The following PTCHD4 variants were observed in gnomAD, a reference collection of about 807,000 sequenced individuals.
PTCHD4 encodes the protein patched domain containing 4, also known as patched domain-containing protein 4.
In PTCHD4, 33 loss-of-function variants were observed where a neutral mutation model predicts 58.1. That is an observed-to-expected ratio of 0.57 (90% CI 0.43 to 0.76). The LOEUF is 0.76. Ranked by LOEUF, PTCHD4 falls within the 30% of genes least tolerant of loss-of-function variation. The pLI, the probability that PTCHD4 is intolerant of heterozygous loss-of-function variation, is 0.00. For synonymous variants in PTCHD4, 478 were observed against 409.6 expected, an observed-to-expected ratio of 1.17 and a Z score of -2.02; for missense variants, 1,058 against 1,027.1, an observed-to-expected ratio of 1.03 and a Z score of -0.41.
chr6:48,103,419 A>G (rs1241827263), intron 1 of PTCHD4, among the ~76,000 whole-genome samples: 2 of 152,228 alleles, frequency 1.3e-5, no homozygotes, highest in African/African-American at 2.4e-5. Context: ...AAACTAAAAA[A>G]CAGAAAGGAC....
intron 4 of PTCHD4, among the ~76,000 whole-genome samples, chr6:47,931,963 AC>A (rs1765837595): frequency 6.6e-6 from 1 of 152,206 alleles, no homozygotes; most frequent in Admixed American, 6.5e-5. Context: ...CTTCTCTGGG[AC>A]ACACTGGACA....
intron 1 of PTCHD4, among the ~76,000 whole-genome samples, chr6:48,106,447 T>C (rs981219665): frequency 6.6e-6 from 1 of 152,216 alleles, no homozygotes; most frequent in Non-Finnish European, 1.5e-5. Context: ...TGATAAGACG[T>C]ATCTCAAAAT....
At chr6:48,102,332 A>C (rs915717656) in intron 1 of PTCHD4, among the ~76,000 whole-genome samples, 1 of 152,240 alleles carries the variant, frequency 6.6e-6, no homozygotes, top group East Asian at 1.9e-4. Context: ...AAGTCTTACA[A>C]ATATCTGATT....
Position 47,870,290 on chromosome 6 carries a change from C to A in PTCHD4, c.*8013G>T, listed in dbSNP as rs958504431. 4.6e-5 allele frequency among the ~76,000 whole-genome samples: 7 copies of A among 151,444 alleles called. No homozygotes were observed. Among genetic ancestry groups the A allele is most frequent in the African/African-American group, 1.7e-4 (7 of 41,308 alleles). ...AGCTTTAGATAATAGATTTGTCATG[C>A]AGATAAATTATGAGCAATTTAACTA... On this transcript the variant is annotated 3_prime_UTR_variant, in exon 5 of 5. Transcript: ENST00000339488.
intron 3 of PTCHD4, among the ~76,000 whole-genome samples, chr6:48,010,880 T>A (rs1396909901): frequency 6.6e-6 from 1 of 152,044 alleles, no homozygotes; most frequent in Non-Finnish European, 1.5e-5. Flanking sequence ...AGAATGGTGG[T>A]TTCCAGCTTC....
intron 4 of PTCHD4, among the ~76,000 whole-genome samples, chr6:47,949,400 T>C (rs748781469): frequency 6.6e-6 from 1 of 152,156 alleles, no homozygotes; most frequent in Admixed American, 6.6e-5. Context: ...TTGATTAGTG[T>C]CTGCAGTATA....
At chr6:48,013,660 T>A (rs889161581) in intron 3 of PTCHD4, among the ~76,000 whole-genome samples, 2 of 152,080 alleles carry the variant, frequency 1.3e-5, no homozygotes, top group African/African-American at 4.8e-5. Context: ...GTTTTAAGCT[T>A]GGTATAATTT....
intron 4 of PTCHD4, among the ~76,000 whole-genome samples, chr6:47,919,442 T>C (rs1039666531): frequency 6.6e-6 from 1 of 152,212 alleles, no homozygotes; most frequent in Non-Finnish European, 1.5e-5. Flanking sequence ...GAGAGTACTT[T>C]CAATCAGTTG....
intron 4 of PTCHD4, among the ~76,000 whole-genome samples, chr6:47,922,674 C>G (rs1765473665): frequency 6.6e-6 from 1 of 152,172 alleles, no homozygotes; most frequent in Non-Finnish European, 1.5e-5. Context: ...TCAATGAACT[C>G]TTTGTGCATG....
At position 48,069,155 on chromosome 6, in the gene PTCHD4, A is replaced by AG. The variant is rs1175946073; in HGVS notation, c.-199dup. Among the ~76,000 whole-genome samples, 2 of 12,090 alleles carry AG rather than the reference A, an allele frequency of 1.7e-4. No homozygotes were observed. The highest frequency in any genetic ancestry group is 6.5e-4 in the African/African-American group (2 of 3,070). 7.9% of individuals were successfully genotyped at this position (12,090 alleles called of 152,430 possible). A position where few individuals can be genotyped will look rare whatever the true frequency, so the allele number is the denominator to read the frequency against. ...TGCCCCATAAAGGGGGGGGGGGCTG[A>AG]GGGGGGGAGAGGAGGGAGAAGGGCG... On this transcript the variant is annotated 5_prime_UTR_variant, in exon 2 of 5. It introduces an in-frame stop codon into an upstream open reading frame of the 5' UTR. Coordinates refer to ENST00000339488, the MANE Select transcript of PTCHD4 (RefSeq NM_001384253.1).
At chr6:47,892,993 G>C (rs527576611) in intron 4 of PTCHD4, among the ~76,000 whole-genome samples, 85 of 152,200 alleles carry the variant, frequency 5.6e-4, no homozygotes, top group African/African-American at 2.0e-3. Flanking sequence ...ACTCTGATTG[G>C]TTGATTAACT....
At chr6:48,009,370 C>T (rs1471172293) in intron 3 of PTCHD4, among the ~76,000 whole-genome samples, 7 of 152,134 alleles carry the variant, frequency 4.6e-5, no homozygotes, top group African/African-American at 7.2e-5. Flanking sequence ...CATAGAGAAA[C>T]GTAGATAAAT....
chr6:47,919,819 A>G (rs958947675), intron 4 of PTCHD4, among the ~76,000 whole-genome samples: 10 of 152,070 alleles, frequency 6.6e-5, no homozygotes, highest in African/African-American at 2.2e-4. Context: ...TCACTAAAAC[A>G]TGTTTTATTT....
chr6:48,095,050 G>C (rs1275223642), intron 1 of PTCHD4, among the ~76,000 whole-genome samples: 11 of 152,270 alleles, frequency 7.2e-5, no homozygotes, highest in African/African-American at 2.4e-4. Context: ...ATTATAAATG[G>C]ACATGAGAAA....
intron 4 of PTCHD4, among the ~76,000 whole-genome samples, chr6:47,897,648 A>G (rs1764565239): frequency 6.6e-6 from 1 of 152,204 alleles, no homozygotes; most frequent in Non-Finnish European, 1.5e-5. Context: ...TTCTGGTCCC[A>G]GATAAGGTCT....
chr6:47,988,601 A>T (rs969827872), intron 4 of PTCHD4, among the ~76,000 whole-genome samples: 10 of 152,156 alleles, frequency 6.6e-5, no homozygotes, highest in African/African-American at 2.2e-4. Flanking sequence ...TCATGGGGGC[A>T]GTTTCCCCAT....
At chr6:48,106,005 C>T (rs1435344882) in intron 1 of PTCHD4, among the ~76,000 whole-genome samples, 1 of 152,124 alleles carries the variant, frequency 6.6e-6, no homozygotes, top group Non-Finnish European at 1.5e-5. Context: ...GATTCACAGC[C>T]AAATTCTACC....
intron 4 of PTCHD4, among the ~76,000 whole-genome samples, chr6:47,904,068 T>C (rs557760533): frequency 6.6e-6 from 1 of 152,166 alleles, no homozygotes; most frequent in Non-Finnish European, 1.5e-5. Flanking sequence ...TGGAGTGGAC[T>C]GAAAGAAGGG....
At chr6:48,067,294 A>T (rs1301799377) in intron 3 of PTCHD4, among the ~76,000 whole-genome samples, 2 of 152,252 alleles carry the variant, frequency 1.3e-5, no homozygotes, top group East Asian at 3.8e-4. Context: ...GAGTCTAAAC[A>T]GCACAATATA....
Sources: allele counts gnomAD v4.1 joint callset (sites outside exome capture counted in the v4.1 genomes callset), GRCh38; gene constraint gnomAD v4.1.1; transcripts MANE v1.5; gene names NCBI Gene and HGNC (gene_info 2026-07-23, HGNC 2026-07-21).